DYNC1H1: variants seen among roughly 807,000 people sequenced by gnomAD.
DYNC1H1 encodes dynein cytoplasmic 1 heavy chain 1, also known as cytoplasmic dynein 1 heavy chain 1.
DYNC1H1 carries 51 observed loss-of-function variants against 527.1 expected under a neutral mutation model. That is an observed-to-expected ratio of 0.10 (90% confidence interval 0.08 to 0.12). The LOEUF is 0.12. DYNC1H1 is among the 10% of genes least tolerant of loss of function. DYNC1H1 has a pLI of 1.00. For synonymous variants in DYNC1H1, 2,189 were observed against 2,278.8 expected, an observed-to-expected ratio of 0.96 and a Z score of 1.12; for missense variants, 2,771 against 5,971.8, an observed-to-expected ratio of 0.46 and a Z score of 17.66.
Position 102,039,501 on chromosome 14 carries a change from C to G in DYNC1H1, c.11550C>G (p.Thr3850=), listed in dbSNP as rs772030587. ...AGAACCCGAACCTGAAGGGTGTCAC[C>G]GACCACACACAGCGCCTGTCCATTA... ...LYENPNLKGV[T]DHTQRLSIIT... is the part of the protein sequence containing the mutation. The change falls in exon 61 of 78, where the codon ACC becomes ACG. Residue 3850 remains threonine (T), a synonymous_variant. Transcript: ENST00000360184. This position sits in a 1 kb window ranked among gnomAD's most constrained non-coding sequence, Gnocchi z 7.0. 3 of 1,614,222 alleles carry G rather than the reference C, an allele frequency of 1.9e-6. No individual in the cohort carries two copies. The highest frequency in any genetic ancestry group is 1.1e-5 in the South Asian group (1 of 91,082).
chr14:101,986,460 A>G lies in DYNC1H1; in HGVS notation c.2235A>G (p.Thr745=), dbSNP rs200165575. The G allele has an allele frequency of 6.2e-7, 1 of 1,614,214 alleles. No homozygotes were observed. Among genetic ancestry groups the G allele is most frequent in the East Asian group, 2.2e-5 (1 of 44,882 alleles). The change falls in exon 8 of 78, where the codon ACA becomes ACG. Residue 745 remains threonine, a synonymous_variant. Transcript: ENST00000360184. The surrounding 1 kb of genome is among the most constrained non-coding windows in gnomAD (Gnocchi z 8.7). ...TTAACTTTCTTCCTGAGATTATCAC[A>G]CTATCCAAAGAAGTCCGGAACCTCA... ...LKVNFLPEII[T]LSKEVRNLKW...
chr14:101,971,761 C>T (rs1257373450), intron 1 of DYNC1H1, among the ~76,000 whole-genome samples: 1 of 152,166 alleles, frequency 6.6e-6, no homozygotes, highest in Non-Finnish European at 1.5e-5. Flanking sequence ...TTACCTAATT[C>T]ATAGTTTAAT....
At position 101,987,583 on chromosome 14, in the gene DYNC1H1, T is replaced by G; in HGVS notation, c.2669T>G (p.Leu890Arg). The G allele has an allele frequency of 6.2e-7, 1 of 1,614,204 alleles. No individual in the cohort carries two copies. Among genetic ancestry groups the G allele is most frequent in the Non-Finnish European group, 8.5e-7 (1 of 1,180,040 alleles). Reference sequence around the variant, plus strand: ...CAGAAAGCAGTGGATGACTTAAATCTGCACTCCTATTCCAATTTGCCCATC... The same window carrying G: ...CAGAAAGCAGTGGATGACTTAAATCGGCACTCCTATTCCAATTTGCCCATC... Reference protein sequence around the residue: ...RVQKAVDDLNLHSYSNLPIWV... With the variant: ...RVQKAVDDLNRHSYSNLPIWV... Residue 890 changes from leucine (L) to arginine (R), a missense_variant, in exon 9 of 78, where the codon CTG (leucine) becomes CGG (arginine). By Grantham distance (102) the Leu-to-Arg change is moderately radical. This residue lies in a region of DYNC1H1 where 179 missense variants were observed against 349.4 expected (regional missense o/e 0.51). Coordinates refer to ENST00000360184, the MANE Select transcript of DYNC1H1 (RefSeq NM_001376.5).
chr14:102,029,169 A>T lies in DYNC1H1; in HGVS notation c.9469-370A>T. The T allele has an allele frequency of 3.1e-6, 1 of 318,564 alleles. No homozygotes were observed. The highest frequency in any genetic ancestry group is 6.1e-6 in the Non-Finnish European group (1 of 165,018). The allele number at this position is 318,564 out of a possible 1,614,324, so 19.7% of individuals were successfully genotyped here. A position where few individuals can be genotyped will look rare whatever the true frequency, so the allele number is the denominator to read the frequency against. On this transcript the variant is annotated intron_variant, in intron 48 of 77. Coordinates refer to ENST00000360184, the MANE Select transcript of DYNC1H1 (RefSeq NM_001376.5). The surrounding 1 kb of genome is among the most constrained non-coding windows in gnomAD (Gnocchi z 5.3). ...TGTGCTTCAGAAATCAAGGGACCAG[A>T]GCAGTTTCTCACATCAGGCCTGCCT...
chr14:102,028,172 C>A, intron 48 of DYNC1H1, 31 bp downstream of exon 48: 1 of 1,609,148 alleles, frequency 6.2e-7, no homozygotes, highest in Non-Finnish European at 8.5e-7. Flanking sequence ...AACAGATAAA[C>A]CACAAAACTA....
At chr14:101,971,600 A>G (rs1341294521) in intron 1 of DYNC1H1, among the ~76,000 whole-genome samples, 5 of 151,962 alleles carry the variant, frequency 3.3e-5, no homozygotes, top group African/African-American at 1.2e-4. Flanking sequence ...GTGATGCACA[A>G]CTGTATCCCA....
Position 102,001,473 on chromosome 14 carries a change from C to G in DYNC1H1, c.4396-62C>G. On this transcript the variant is annotated intron_variant, in intron 20 of 77. Transcript: ENST00000360184. The surrounding 1 kb of genome is among the most constrained non-coding windows in gnomAD (Gnocchi z 5.0). ...CCTTTTGGTTCTTATAATGCTGGGT[C>G]CCTTGTGCAGGTAGTGAATGCCCAC... The G allele has an allele frequency of 1.2e-6, 2 of 1,613,484 alleles. No individual in the cohort carries two copies. The highest frequency in any genetic ancestry group is 8.5e-7 in the Non-Finnish European group (1 of 1,179,622).
Position 102,012,524 on chromosome 14 carries a change from C to G in DYNC1H1, c.7014+54C>G. On this transcript the variant is annotated intron_variant, in intron 34 of 77. Transcript: ENST00000360184. This position sits in a 1 kb window ranked among gnomAD's most constrained non-coding sequence, Gnocchi z 4.9. Reference sequence around the variant, plus strand: ...GAATAATTCCTTTTGGCCAACTAAACTTCGTGTGCTAGCTAAGTGCAGCTC... The same window carrying G: ...GAATAATTCCTTTTGGCCAACTAAAGTTCGTGTGCTAGCTAAGTGCAGCTC... 6.2e-7 allele frequency: 1 copy of G among 1,611,942 alleles called. No individual in the cohort carries two copies. Among genetic ancestry groups the G allele is most frequent in the Non-Finnish European group, 8.5e-7 (1 of 1,178,366 alleles).
chr14:101,999,456 T>A (rs2048105788), intron 16 of DYNC1H1, among the ~76,000 whole-genome samples: 1 of 152,248 alleles, frequency 6.6e-6, no homozygotes, highest in Non-Finnish European at 1.5e-5. Flanking sequence ...GTAAAATGTT[T>A]TTTGATATCT....
rs552313071 is a variant in DYNC1H1, at chr14:102,006,154, G to T, written c.5700G>T (p.Leu1900=). 24 of 1,613,708 alleles carry T rather than the reference G, an allele frequency of 1.5e-5. No individual in the cohort carries two copies. The highest frequency in any genetic ancestry group is 2.2e-5 in the East Asian group (1 of 44,888). The part of the protein sequence containing the change: ...LTMTQALEAR[L]GGSPFGPAGT... ...TGACACAAGCCTTGGAGGCCAGGCT[G>T]GGGGGTTCCCCATTTGGTAAGTTCT... The change falls in exon 27 of 78, where the codon CTG becomes CTT. Residue 1900 remains leucine, a synonymous_variant. Transcript: ENST00000360184.
intron 72 of DYNC1H1, 197 bp from the exon 73 acceptor site, chr14:102,047,620 C>CGTGT (rs71116873): frequency 3.9e-4 from 128 of 324,278 alleles, no homozygotes; most frequent in East Asian, 1.1e-3. Context: ...TATATATACA[C>CGTGT]GTGTGTGTGT....
In DYNC1H1 at chr14:102,049,696, G is replaced by T; in HGVS notation, c.13516-18G>T. On this transcript the variant is annotated intron_variant, in intron 75 of 77. Coordinates refer to ENST00000360184, the MANE Select transcript of DYNC1H1 (RefSeq NM_001376.5). This position sits in a 1 kb window ranked among gnomAD's most constrained non-coding sequence, Gnocchi z 5.5. ...TCTGACCTGAGCTCCTTCCCCTGGG[G>T]GCTGCTGCTTTCCACAGAACATCCA... 1 of 1,613,876 alleles carries T rather than the reference G, an allele frequency of 6.2e-7. No homozygotes were observed.
intron 69 of DYNC1H1, 152 bp from the exon 70 acceptor site, chr14:102,043,723 C>G (rs969110286): frequency 9.8e-7 from 1 of 1,023,588 alleles, no homozygotes; most frequent in African/African-American, 1.6e-5. Context: ...AGTTGGCATA[C>G]TTTTCTCCTA....
At chr14:102,004,184 C>T (rs1228168560) in intron 23 of DYNC1H1, among the ~76,000 whole-genome samples, 67 of 152,088 alleles carry the variant, frequency 4.4e-4, no homozygotes. Flanking sequence ...GCGGAGCTTG[C>T]AGTGAGCCGA....
Position 101,983,590 on chromosome 14 carries a change from T to A in DYNC1H1, c.1442T>A (p.Val481Asp), listed in dbSNP as rs776102509. Reference protein sequence around the residue: ...RQHEQLRAVIVRVLRPQVTAV... With the variant: ...RQHEQLRAVIDRVLRPQVTAV... The stretch of plus-strand genomic sequence containing the variant: ...CATGAACAGCTAAGAGCTGTTATCG[T>A]CAGGGTCCTGAGGCCACAGGTAAGA... The change falls in exon 7 of 78, where the codon GTC (valine) becomes GAC (aspartate). Residue 481 changes from valine to aspartate, a missense_variant. Physicochemically the swap from Val to Asp is radical, Grantham distance 152 (BLOSUM62 -3). Coordinates refer to ENST00000360184, the MANE Select transcript of DYNC1H1 (RefSeq NM_001376.5). This position sits in a 1 kb window ranked among gnomAD's most constrained non-coding sequence, Gnocchi z 5.3. 6 of 1,614,124 alleles carry A rather than the reference T, an allele frequency of 3.7e-6. No individual in the cohort carries two copies. Among genetic ancestry groups the A allele is most frequent in the Non-Finnish European group, 5.1e-6 (6 of 1,180,014 alleles).
chr14:102,032,008 G>C (rs1466225263), intron 51 of DYNC1H1, among the ~76,000 whole-genome samples: 1 of 152,204 alleles, frequency 6.6e-6, no homozygotes, highest in African/African-American at 2.4e-5. Flanking sequence ...ATTAGGACTT[G>C]TGAGACATTT....
At position 101,986,514 on chromosome 14, in the gene DYNC1H1, G is replaced by T. The variant is rs763184509; in HGVS notation, c.2289G>T (p.Ala763=). 1 of 1,614,140 alleles carries T rather than the reference G, an allele frequency of 6.2e-7. No individual in the cohort carries two copies. Among genetic ancestry groups the T allele is most frequent in the South Asian group, 1.1e-5 (1 of 91,084 alleles). Residue 763 remains alanine, a synonymous_variant, in exon 8 of 78, where the codon GCG becomes GCT. Transcript: ENST00000360184. This position sits in a 1 kb window ranked among gnomAD's most constrained non-coding sequence, Gnocchi z 8.7. ...GGCTTGGTTTCCGCGTCCCACTGGC[G>T]ATTGTGAACAAAGCCCATCAAGCAA... is the stretch of plus-strand genomic sequence containing the variant. ...LKWLGFRVPL[A]IVNKAHQANQ...
chr14:101,979,477 C>G lies in DYNC1H1; in HGVS notation c.503C>G (p.Ser168Cys), dbSNP rs1321265961. 1.9e-6 allele frequency: 3 copies of G among 1,613,976 alleles called. No individual in the cohort carries two copies. In the African/African-American group the frequency reaches 4.0e-5, roughly 22 times the overall value. Reference sequence around the variant, plus strand: ...TTTTTTAAGTCCTACATTAGAGAGTCTGGCAAGGCAGACAGGTAAAAACTG... The same window carrying G: ...TTTTTTAAGTCCTACATTAGAGAGTGTGGCAAGGCAGACAGGTAAAAACTG... The part of the protein sequence containing the change: ...APFFKSYIRE[S>C]GKADRDGDKM... The change falls in exon 3 of 78, where the codon TCT becomes TGT. Residue 168 changes from serine (S) to cysteine (C), a missense_variant. Physicochemically the swap from Ser to Cys is moderately radical, Grantham distance 112. Around this residue, in one of 32 missense-constraint regions of DYNC1H1, gnomAD observed 146 missense variants for 288.1 expected, o/e 0.51. Transcript: ENST00000360184. The surrounding 1 kb of genome is among the most constrained non-coding windows in gnomAD (Gnocchi z 4.6).
chr14:101,970,640 G>A (rs971046888), intron 1 of DYNC1H1, among the ~76,000 whole-genome samples: 6 of 152,030 alleles, frequency 3.9e-5, no homozygotes, highest in South Asian at 2.1e-4. Context: ...GTGCCACCAC[G>A]TCTAGCTAAT....
Sources: allele counts gnomAD v4.1 joint callset (sites outside exome capture counted in the v4.1 genomes callset), GRCh38; gene constraint gnomAD v4.1.1; regional missense constraint gnomAD v4.1.1; non-coding constraint Gnocchi (gnomAD v3.1); transcripts MANE v1.5; gene names NCBI Gene and HGNC (gene_info 2026-07-23, HGNC 2026-07-21).